The following ASXL3 variants were observed in gnomAD, a reference collection of about 807,000 sequenced individuals.
The protein encoded by ASXL3 is ASXL transcriptional regulator 3.
In ASXL3, 34 loss-of-function variants were observed where a neutral mutation model predicts 170.6. The ratio of observed to expected loss-of-function variants is 0.20; its 90% CI spans 0.15 to 0.27. The LOEUF (loss-of-function observed/expected upper bound fraction) is 0.27, where lower values mean the gene tolerates loss of function less well. Ranked by LOEUF, ASXL3 falls within the 10% of genes least tolerant of loss-of-function variation. ASXL3 has a pLI of 1.00. For synonymous variants in ASXL3, 1,002 were observed against 989.1 expected (o/e 1.01, Z -0.24); for missense variants, 2,592 against 2,695.3 (o/e 0.96, Z 0.85).
intron 4 of ASXL3, among the ~76,000 whole-genome samples, chr18:33,656,497 A>G (rs1209810853): frequency 6.6e-6 from 1 of 152,104 alleles, no homozygotes; most frequent in Non-Finnish European, 1.5e-5. Context: ...TGCAGAGACT[A>G]TATAATGTAC....
chr18:33,732,123 T>C, intron 9 of ASXL3, 59 bp downstream of exon 9: 1 of 1,350,172 alleles, frequency 7.4e-7, no homozygotes, highest in Admixed American at 2.1e-5. Flanking sequence ...CGTACTGAGC[T>C]TGTACCTTTC....
chr18:33,743,143 C>T lies in ASXL3; in HGVS notation c.3295C>T (p.Leu1099=). Reference sequence around the variant, plus strand: ...AGGAGAGGGTGGAAAGACGAGAACTCTGGCACACATCAAAGAGCAGACAAA... The same window carrying T: ...AGGAGAGGGTGGAAAGACGAGAACTTTGGCACACATCAAAGAGCAGACAAA... ...SPGEGGKTRT[L]AHIKEQTKAK... is the part of the protein sequence containing the mutation. Residue 1099 remains leucine, a synonymous_variant, in exon 12 of 12, where the codon CTG becomes TTG. Coordinates refer to ENST00000269197, the MANE Select transcript of ASXL3 (RefSeq NM_030632.3). 1 of 1,613,934 alleles carries T rather than the reference C, an allele frequency of 6.2e-7. No individual in the cohort carries two copies. The highest frequency in any genetic ancestry group is 8.5e-7 in the Non-Finnish European group (1 of 1,179,884).
intron 2 of ASXL3, among the ~76,000 whole-genome samples, chr18:33,626,207 A>G (rs933154661): frequency 1.3e-5 from 2 of 152,098 alleles, no homozygotes; most frequent in Non-Finnish European, 2.9e-5. Flanking sequence ...GAAAATGGAA[A>G]TTCTTTTACT....
chr18:33,649,997 G>T (rs2065973101), intron 4 of ASXL3, among the ~76,000 whole-genome samples: 1 of 152,094 alleles, frequency 6.6e-6, no homozygotes, highest in African/African-American at 2.4e-5. Flanking sequence ...CTGAAATTCA[G>T]CACCCCTCCA....
Position 33,649,854 on chromosome 18 carries a change from A to G in ASXL3, c.355+3501A>G, listed in dbSNP as rs114368256. On this transcript the variant is annotated intron_variant, in intron 4 of 11. Transcript: ENST00000269197. ...AGTGATATGAGAGTGGAATGCATGG[A>G]TTGAATTTAGGATACTATTATGGGA... 2.8e-3 allele frequency among the ~76,000 whole-genome samples: 421 copies of G among 152,210 alleles called. 1 individual carries two copies. Among genetic ancestry groups the G allele is most frequent in the African/African-American group, 9.3e-3 (387 of 41,548 alleles).
intron 2 of ASXL3, among the ~76,000 whole-genome samples, chr18:33,638,672 T>A (rs2065805282): frequency 6.6e-6 from 1 of 152,196 alleles, no homozygotes; most frequent in Non-Finnish European, 1.5e-5. Flanking sequence ...AGAATTTAGA[T>A]TTCATCTGTA....
At chr18:33,717,665 A>C (rs2067187871) in intron 8 of ASXL3, among the ~76,000 whole-genome samples, 1 of 152,030 alleles carries the variant, frequency 6.6e-6, no homozygotes, top group Non-Finnish European at 1.5e-5. Context: ...ACTACCATGG[A>C]ATGTCTTGAA....
At chr18:33,692,945 A>C (rs1824257281) in intron 8 of ASXL3, among the ~76,000 whole-genome samples, 1 of 152,154 alleles carries the variant, frequency 6.6e-6, no homozygotes, top group South Asian at 2.1e-4. Context: ...CTTGAAGTTT[A>C]AGATAAAGGT....
At chr18:33,645,094 A>C in intron 3 of ASXL3, 92 bp downstream of exon 3, 1 of 732,996 alleles carries the variant, frequency 1.4e-6, no homozygotes, top group South Asian at 2.0e-5. Context: ...GAAGAGTAGA[A>C]GAATGACTCC....
intron 2 of ASXL3, among the ~76,000 whole-genome samples, chr18:33,636,130 C>G (rs2065759757): frequency 6.6e-6 from 1 of 152,154 alleles, no homozygotes; most frequent in African/African-American, 2.4e-5. Context: ...GTAGCCAGAG[C>G]AGACATGGGA....
chr18:33,685,794 G>A (rs2066585826), intron 8 of ASXL3, among the ~76,000 whole-genome samples: 1 of 152,122 alleles, frequency 6.6e-6, no homozygotes, highest in Admixed American at 6.5e-5. Context: ...CCAGACTCTT[G>A]TAAACAACCA....
chr18:33,664,603 A>G (rs544654794), intron 5 of ASXL3, among the ~76,000 whole-genome samples: 1 of 152,322 alleles, frequency 6.6e-6, no homozygotes, highest in East Asian at 1.9e-4. Flanking sequence ...AAATAGCTTT[A>G]TAATCATAAG....
intron 2 of ASXL3, among the ~76,000 whole-genome samples, chr18:33,615,558 C>G (rs149843799): frequency 1.3e-5 from 2 of 152,244 alleles, no homozygotes; most frequent in African/African-American, 4.8e-5. Flanking sequence ...AATAGACTTG[C>G]TTGATGCAGG....
At chr18:33,587,397 T>G (rs1461094973) in intron 1 of ASXL3, among the ~76,000 whole-genome samples, 1 of 152,334 alleles carries the variant, frequency 6.6e-6, no homozygotes, top group East Asian at 1.9e-4. Flanking sequence ...TCAACTTCTC[T>G]GTTCAACTTT....
At chr18:33,633,284 A>G (rs1490731529) in intron 2 of ASXL3, among the ~76,000 whole-genome samples, 3 of 152,210 alleles carry the variant, frequency 2.0e-5, no homozygotes, top group African/African-American at 7.2e-5. Flanking sequence ...AACACTATAT[A>G]AAACTCTTTA....
chr18:33,744,762 T>G lies in ASXL3; in HGVS notation c.4914T>G (p.Cys1638Trp). 6.2e-7 allele frequency: 1 copy of G among 1,614,034 alleles called. No homozygotes were observed. Among genetic ancestry groups the G allele is most frequent in the South Asian group, 1.1e-5 (1 of 91,092 alleles). The change falls in exon 12 of 12, where the codon TGT becomes TGG. Residue 1638 changes from cysteine to tryptophan, a missense_variant. Cys to Trp is a radical substitution (Grantham distance 215). Coordinates refer to ENST00000269197, the MANE Select transcript of ASXL3 (RefSeq NM_030632.3). ...SKQKEYLEQS[C>W]PKAIKTEHAN... ...AAAAAGAATATCTAGAGCAAAGCTG[T>G]CCAAAGGCTATCAAAACTGAACATG...
intron 7 of ASXL3, among the ~76,000 whole-genome samples, chr18:33,673,078 G>T (rs2066371300): frequency 6.6e-6 from 1 of 152,104 alleles, no homozygotes; most frequent in African/African-American, 2.4e-5. Flanking sequence ...TCTGGGTGTT[G>T]TAAGTATTTT....
intron 1 of ASXL3, among the ~76,000 whole-genome samples, chr18:33,603,151 G>C (rs999663629): frequency 3.3e-5 from 5 of 152,104 alleles, no homozygotes; most frequent in African/African-American, 1.2e-4. Context: ...TTTATTTTGG[G>C]CCAGAAGGGC....
Position 33,745,227 on chromosome 18 carries a change from G to A in ASXL3, c.5379G>A (p.Glu1793=), listed in dbSNP as rs533957227. The A allele has an allele frequency of 9.9e-6, 16 of 1,614,034 alleles. No individual in the cohort carries two copies. The East Asian group carries it at 3.3e-4, about 34-fold the overall frequency. Reference sequence around the variant, plus strand: ...CCTCAGTGGGTAAAACAGCACCAGAGAGAAACGTTGAAATTCCGCCCAGCT... The same window carrying A: ...CCTCAGTGGGTAAAACAGCACCAGAAAGAAACGTTGAAATTCCGCCCAGCT... The part of the protein sequence containing the change: ...QTTSVGKTAP[E]RNVEIPPSSP... Residue 1793 remains glutamate (E), a synonymous_variant, in exon 12 of 12, where the codon GAG becomes GAA. Coordinates refer to ENST00000269197, the MANE Select transcript of ASXL3 (RefSeq NM_030632.3).
Sources: gnomAD v4.1 joint callset for allele counts (sites outside exome capture counted in the v4.1 genomes callset) on GRCh38, gnomAD v4.1.1 for gene constraint, MANE v1.5 for transcripts, NCBI Gene and HGNC (gene_info 2026-07-23, HGNC 2026-07-21) for gene names.